The following GCN1 variants were observed in gnomAD, a reference collection of about 807,000 sequenced individuals.
The protein encoded by GCN1 is GCN1 activator of EIF2AK4.
In GCN1, 90 loss-of-function variants were observed where a neutral mutation model predicts 288.4. The ratio of observed to expected loss-of-function variants is 0.31; its 90% CI spans 0.26 to 0.37. The LOEUF is 0.37. GCN1 is among the 10% of genes least tolerant of loss of function. GCN1 has a pLI of 1.00. For synonymous variants in GCN1, 1,386 were observed against 1,420.2 expected (o/e 0.98, Z 0.54); for missense variants, 2,586 against 3,419.9 (o/e 0.76, Z 6.08).
At chr12:120,185,011 T>A in intron 2 of GCN1, 124 bp from the exon 3 acceptor site, 1 of 671,094 alleles carries the variant, frequency 1.5e-6, no homozygotes, top group South Asian at 1.6e-5. Context: ...AAGACCTTCC[T>A]CCCCAAGAGG....
At chr12:120,147,784 C>T (rs1233701872) in intron 37 of GCN1, among the ~76,000 whole-genome samples, 1 of 152,134 alleles carries the variant, frequency 6.6e-6, no homozygotes, top group Non-Finnish European at 1.5e-5. Context: ...TCCTAGCGAT[C>T]GACCTCTTCC....
intron 5 of GCN1, among the ~76,000 whole-genome samples, 165 bp from the exon 6 acceptor site, chr12:120,179,115 A>G (rs1035071644): frequency 4.6e-5 from 7 of 152,042 alleles, no homozygotes; most frequent in Non-Finnish European, 8.8e-5. Context: ...TCCACCCCAC[A>G]CATTTAGTTC....
Position 120,155,465 on chromosome 12 carries a change from A to C in GCN1, c.3441-35T>G, listed in dbSNP as rs1277156231. ...ATCCAAGGCAGGGGCTGCTTAGACA[A>C]AGATCTGCAGCACTTGCCCTGCCAG... On this transcript the variant is annotated intron_variant, in intron 29 of 57. Transcript: ENST00000300648. This position sits in a 1 kb window ranked among gnomAD's most constrained non-coding sequence, Gnocchi z 4.9. 3.1e-6 allele frequency: 5 copies of C among 1,606,870 alleles called. No individual in the cohort carries two copies. The highest frequency in any genetic ancestry group is 3.4e-6 in the Non-Finnish European group (4 of 1,174,800).
chr12:120,129,405 G>C lies in GCN1; in HGVS notation c.7761C>G (p.Pro2587=), dbSNP rs745461425. The C allele has an allele frequency of 5.6e-6, 9 of 1,613,946 alleles. No individual in the cohort carries two copies. Among genetic ancestry groups the C allele is most frequent in the Non-Finnish European group, 7.6e-6 (9 of 1,179,840 alleles). Reference sequence around the variant, plus strand: ...CCTTCAGGATGGGCTTGATGGCCTGGGGGTCCAGGGGAGGCAGTGGGTCCT... The same window carrying C: ...CCTTCAGGATGGGCTTGATGGCCTGCGGGTCCAGGGGAGGCAGTGGGTCCT... ...ANKDPLPPLD[P]QAIKPILKAL... Residue 2587 remains proline (P), a synonymous_variant, in exon 57 of 58, where the codon CCC becomes CCG. Coordinates refer to ENST00000300648, the MANE Select transcript of GCN1 (RefSeq NM_006836.2).
intron 16 of GCN1, among the ~76,000 whole-genome samples, chr12:120,165,087 C>T (rs1352803366): frequency 6.6e-6 from 1 of 151,582 alleles, no homozygotes; most frequent in African/African-American, 2.4e-5. Context: ...CTCTGTCGCC[C>T]AGGCTGGAGT....
chr12:120,151,013 ACACAG>A, intron 34 of GCN1, 127 bp downstream of exon 34: 1 of 971,414 alleles, frequency 1.0e-6, no homozygotes, highest in Non-Finnish European at 1.5e-6. Context: ...ACTGGGTCGC[ACACAG>A]CGGGGCCCTC....
chr12:120,146,649 T>A (rs1303600354), intron 38 of GCN1, among the ~76,000 whole-genome samples: 1 of 152,172 alleles, frequency 6.6e-6, no homozygotes, highest in Non-Finnish European at 1.5e-5. Context: ...AGACCACACA[T>A]GTGAGCTCCT....
At chr12:120,130,088 CACT>C (rs578229495) in intron 56 of GCN1, among the ~76,000 whole-genome samples, 6 of 152,330 alleles carry the variant, frequency 3.9e-5, no homozygotes, top group Admixed American at 3.3e-4. Flanking sequence ...TGCACAGCAC[CACT>C]GACACTGTTG....
intron 53 of GCN1, among the ~76,000 whole-genome samples, chr12:120,133,208 G>T (rs371377805): frequency 2.0e-5 from 3 of 151,818 alleles, no homozygotes; most frequent in South Asian, 2.1e-4. Flanking sequence ...AGTGTGTGTG[G>T]GTGTGTGTGT....
chr12:120,177,806 T>G, intron 7 of GCN1, 54 bp from the exon 8 acceptor site: 1 of 1,266,464 alleles, frequency 7.9e-7, no homozygotes, highest in Admixed American at 1.7e-5. Context: ...ATCTCATCAC[T>G]GGCCTAAGGG....
chr12:120,163,589 C>T (rs1263684361), intron 18 of GCN1, among the ~76,000 whole-genome samples: 1 of 152,170 alleles, frequency 6.6e-6, no homozygotes, highest in Non-Finnish European at 1.5e-5. Context: ...AGCAGTGGAA[C>T]ACGGCACAAA....
At chr12:120,140,428 T>G (rs888761959) in intron 45 of GCN1, among the ~76,000 whole-genome samples, 4 of 152,178 alleles carry the variant, frequency 2.6e-5, no homozygotes, top group African/African-American at 4.8e-5. Flanking sequence ...AACTCTTACC[T>G]GCTCCCCTCC....
Position 120,153,682 on chromosome 12 carries a change from T to A in GCN1, c.3867+62A>T. Reference sequence around the variant, plus strand: ...AGCCCTAGCGCCTGCCTCCCGTGTCTCCTTAGCGGGCTGGGACCCCCTTAC... The same window carrying A: ...AGCCCTAGCGCCTGCCTCCCGTGTCACCTTAGCGGGCTGGGACCCCCTTAC... On this transcript the variant is annotated intron_variant, in intron 32 of 57. Coordinates refer to ENST00000300648, the MANE Select transcript of GCN1 (RefSeq NM_006836.2). The surrounding 1 kb of genome is among the most constrained non-coding windows in gnomAD (Gnocchi z 4.4). The A allele has an allele frequency of 6.6e-7, 1 of 1,511,202 alleles. No homozygotes were observed. The highest frequency in any genetic ancestry group is 9.1e-7 in the Non-Finnish European group (1 of 1,096,972). 93.6% of individuals were successfully genotyped at this position (1,511,202 alleles called of 1,614,324 possible).
chr12:120,153,895 A>C lies in GCN1; in HGVS notation c.3716T>G (p.Leu1239Trp), dbSNP rs1877653332. 1 of 1,613,804 alleles carries C rather than the reference A, an allele frequency of 6.2e-7. No individual in the cohort carries two copies. Among genetic ancestry groups the C allele is most frequent in the Non-Finnish European group, 8.5e-7 (1 of 1,179,866 alleles). ...DQWEARCGLA[L>W]ALNKLSQYLD... ...ATACTGGGAGAGCTTGTTGAGGGCC[A>C]ACGCCAAGCCACACCTGGGAAAGAA... Residue 1239 changes from leucine (L) to tryptophan (W), a missense_variant, in exon 32 of 58, where the codon TTG (leucine) becomes TGG (tryptophan). Physicochemically the swap from Leu to Trp is moderately conservative, Grantham distance 61. This residue lies in a region of GCN1 where 332 missense variants were observed against 403.0 expected (regional missense o/e 0.82). Coordinates refer to ENST00000300648, the MANE Select transcript of GCN1 (RefSeq NM_006836.2). The surrounding 1 kb of genome is among the most constrained non-coding windows in gnomAD (Gnocchi z 4.4).
Position 120,144,880 on chromosome 12 carries a change from T to G in GCN1, c.5155+43A>C. The G allele has an allele frequency of 6.2e-7, 1 of 1,613,938 alleles. No homozygotes were observed. ...GAGTCCACTGGATCTGAGGGCCCCT[T>G]AGAGCATTCCCAGGCTGGCCACTGG... On this transcript the variant is annotated intron_variant, in intron 40 of 57. Coordinates refer to ENST00000300648, the MANE Select transcript of GCN1 (RefSeq NM_006836.2). This position sits in a 1 kb window ranked among gnomAD's most constrained non-coding sequence, Gnocchi z 4.7.
intron 51 of GCN1, among the ~76,000 whole-genome samples, chr12:120,135,947 C>G (rs1394171501): frequency 6.6e-6 from 1 of 151,182 alleles, no homozygotes; most frequent in Non-Finnish European, 1.5e-5. Flanking sequence ...ACCCAGGAGG[C>G]GGAGGTTGCA....
At chr12:120,161,346 C>T in intron 22 of GCN1, 144 bp downstream of exon 22, 2 of 642,562 alleles carry the variant, frequency 3.1e-6, no homozygotes, top group Non-Finnish European at 5.6e-6. Flanking sequence ...GCCAGTGCAC[C>T]AGACACTGGT....
At chr12:120,135,145 T>C (rs1400257059) in intron 51 of GCN1, among the ~76,000 whole-genome samples, 1 of 152,184 alleles carries the variant, frequency 6.6e-6, no homozygotes, top group Non-Finnish European at 1.5e-5. Flanking sequence ...CAGTGTATAA[T>C]TGCAGAGCCC....
rs139177797 is a variant in GCN1, at chr12:120,162,841, C to T, written c.2163+6G>A. On this transcript the variant is annotated splice_donor_region_variant and intron_variant, in intron 20 of 57. Coordinates refer to ENST00000300648, the MANE Select transcript of GCN1 (RefSeq NM_006836.2). ...CTGAGGCCAGACCAGCTCATGTGCC[C>T]GTCACCTGGTTTAGGGGACTCTGTG... 13,057 of 1,613,456 alleles carry T rather than the reference C, an allele frequency of 8.1e-3. 72 individuals are homozygous for T. The highest frequency in any genetic ancestry group is 9.7e-3 in the Non-Finnish European group (11,501 of 1,179,736).
Sources: gnomAD v4.1 joint callset for allele counts (sites outside exome capture counted in the v4.1 genomes callset) on GRCh38, gnomAD v4.1.1 for gene constraint, gnomAD v4.1.1 regional missense constraint, Gnocchi (gnomAD v3.1) non-coding constraint, MANE v1.5 for transcripts, NCBI Gene and HGNC (gene_info 2026-07-23, HGNC 2026-07-21) for gene names.